GSN: variants seen among roughly 807,000 people sequenced by gnomAD.
The protein encoded by GSN is actin-depolymerizing factor.
Under a neutral mutation model 85.7 loss-of-function variants are expected in GSN, and 56 were observed. The observed-to-expected ratio is 0.65, with a 90% confidence interval of 0.53 to 0.82. The LOEUF (loss-of-function observed/expected upper bound fraction) is 0.82, where lower values mean the gene tolerates loss of function less well. GSN is among the 40% of genes least tolerant of loss of function. The pLI is 0.00. For synonymous variants in GSN, 373 were observed against 399.1 expected, an observed-to-expected ratio of 0.93 and a Z score of 0.78; for missense variants, 857 against 979.8, an observed-to-expected ratio of 0.87 and a Z score of 1.67.
chr9:121,204,475 T>C (rs147725442), upstream of GSN, among the ~76,000 whole-genome samples: 508 of 152,334 alleles, frequency 3.3e-3, 15 homozygotes, highest in Admixed American at 0.028. Flanking sequence ...GCCTATCACA[T>C]GCTAAGGAAT....
intron 1 of GSN, among the ~76,000 whole-genome samples, chr9:121,276,347 G>A (rs1195233676): frequency 6.6e-6 from 1 of 152,226 alleles, no homozygotes; most frequent in African/African-American, 2.4e-5. Context: ...TTCCTCATCT[G>A]TAAAATGGGC....
rs1447597500 is a variant in GSN at position 121,299,039 on chromosome 9, C to T, written c.-9-2924C>T. On this transcript the variant is annotated intron_variant, in intron 2 of 17. Coordinates refer to ENST00000432226, the MANE Select transcript of GSN (RefSeq NM_198252.3). The surrounding 1 kb of genome is among the most constrained non-coding windows in gnomAD (Gnocchi z 4.2). ...GCTTGCTTAGAGACATGACGGTAAACCCTGAACCATCAGCTAAAAGAGGTA... is the reference window on the plus strand; with the variant it reads ...GCTTGCTTAGAGACATGACGGTAAATCCTGAACCATCAGCTAAAAGAGGTA... Among the ~76,000 whole-genome samples the T allele has an allele frequency of 2.0e-5, 3 of 152,200 alleles. No homozygotes were observed. The highest frequency in any genetic ancestry group is 4.4e-5 in the Non-Finnish European group (3 of 68,038).
At chr9:121,258,751 G>A (rs1261148141) in intron 6 of GSN, among the ~76,000 whole-genome samples, 1 of 151,886 alleles carries the variant, frequency 6.6e-6, no homozygotes, top group Admixed American at 6.6e-5. Context: ...AGCAGCATAA[G>A]TGAGCAGAAT....
intron 1 of GSN, among the ~76,000 whole-genome samples, chr9:121,270,201 G>A (rs952829429): frequency 2.0e-5 from 3 of 152,192 alleles, no homozygotes; most frequent in Admixed American, 1.3e-4. Context: ...GATGGGAGAA[G>A]GGCGGGGTGG....
chr9:121,262,364 T>G (rs771221247), intron 6 of GSN, among the ~76,000 whole-genome samples: 1 of 152,236 alleles, frequency 6.6e-6, no homozygotes, highest in Non-Finnish European at 1.5e-5. Context: ...TTATTTTATT[T>G]GTAAAATTGG....
intron 14 of GSN, among the ~76,000 whole-genome samples, chr9:121,328,169 T>C (rs2063457609): frequency 6.6e-6 from 1 of 152,202 alleles, no homozygotes; most frequent in East Asian, 1.9e-4. Flanking sequence ...GTTTCCAGAA[T>C]GTGGGCCGGG....
At chr9:121,312,056 T>G in intron 5 of GSN, 1 of 368,248 alleles carries the variant, frequency 2.7e-6, no homozygotes, top group Non-Finnish European at 5.0e-6. Flanking sequence ...GTTGTGCCAA[T>G]TTATATTCCC....
intron 2 of GSN, among the ~76,000 whole-genome samples, chr9:121,292,943 A>G (rs894902533): frequency 5.3e-5 from 8 of 152,282 alleles, no homozygotes; most frequent in Non-Finnish European, 1.0e-4. Context: ...GCCTTCAAGA[A>G]AGGCACTTTG....
intron 2 of GSN, chr9:121,282,657 C>G: frequency 2.0e-6 from 1 of 496,436 alleles, no homozygotes; most frequent in South Asian, 1.1e-4. Flanking sequence ...AGCGGCTATC[C>G]AAAGGTTCTG....
At chr9:121,223,816 C>T (rs992337536) in intron 4 of GSN, among the ~76,000 whole-genome samples, 7 of 151,852 alleles carry the variant, frequency 4.6e-5, no homozygotes, top group Non-Finnish European at 7.4e-5. Context: ...TGTGCCACCA[C>T]GCCGGCTAAA....
At position 121,315,142 on chromosome 9, in the gene GSN, T is replaced by C. The variant is rs144207455; in HGVS notation, c.753+1119T>C. On this transcript the variant is annotated intron_variant, in intron 7 of 17. Coordinates refer to ENST00000432226, the MANE Select transcript of GSN (RefSeq NM_198252.3). ...TCCCAAAGTGCTGGGATTACAGACC[T>C]GAGCCAACGCTCCCGGCCATTTCTA... is the stretch of plus-strand genomic sequence containing the variant. Among the ~76,000 whole-genome samples, 933 of 152,290 alleles carry C rather than the reference T, an allele frequency of 6.1e-3. 14 individuals carry two copies. Among genetic ancestry groups the C allele is most frequent in the African/African-American group, 0.021 (865 of 41,540 alleles).
intron 5 of GSN, among the ~76,000 whole-genome samples, chr9:121,244,880 T>TAAA (rs2054668840): frequency 1.3e-5 from 2 of 151,898 alleles, no homozygotes; most frequent in African/African-American, 4.8e-5. Context: ...TTTAATAAAA[T>TAAA]ATTCCCATAG....
chr9:121,292,814 C>T (rs1227188722), intron 2 of GSN, among the ~76,000 whole-genome samples: 1 of 152,146 alleles, frequency 6.6e-6, no homozygotes, highest in African/African-American at 2.4e-5. Context: ...TTGTCTTTTC[C>T]CTCTTCCCCG....
At chr9:121,235,616 G>A (rs538605213) in intron 5 of GSN, among the ~76,000 whole-genome samples, 7 of 152,282 alleles carry the variant, frequency 4.6e-5, no homozygotes, top group South Asian at 2.1e-4. Context: ...GTTCTTTGTC[G>A]CTCATTCTTC....
chr9:121,258,106 G>A (rs1030453471), intron 6 of GSN, among the ~76,000 whole-genome samples: 7 of 152,280 alleles, frequency 4.6e-5, no homozygotes, highest in Non-Finnish European at 7.4e-5. Flanking sequence ...GGCAGTCCTC[G>A]GTTTACAGTG....
intron 4 of GSN, among the ~76,000 whole-genome samples, chr9:121,229,110 G>C (rs566148187): frequency 1.3e-5 from 2 of 151,994 alleles, no homozygotes; most frequent in Non-Finnish European, 2.9e-5. Context: ...TTTAATTTTC[G>C]TCCAGTAGTA....
intron 5 of GSN, among the ~76,000 whole-genome samples, chr9:121,246,297 T>C (rs1313126893): frequency 1.3e-5 from 2 of 152,138 alleles, no homozygotes; most frequent in Non-Finnish European, 2.9e-5. Context: ...TGAAGATAGT[T>C]GTCTGAGGAT....
At chr9:121,311,379 C>T (rs188582947) in intron 5 of GSN, 18 of 174,402 alleles carry the variant, frequency 1.0e-4, no homozygotes, top group Admixed American at 7.1e-4. Flanking sequence ...CAAATGGACA[C>T]GGCCCTTCTA....
Position 121,322,923 on chromosome 9 carries a change from C to T in GSN, c.1325+1522C>T, listed in dbSNP as rs57798514. ...TCTGCTCACCACAACCTCTGCCCCC[C>T]GGGGCTCAAGCAATTATCGTGCCTC... is the stretch of plus-strand genomic sequence containing the variant. On this transcript the variant is annotated intron_variant, in intron 11 of 17. Transcript: ENST00000432226. Among the ~76,000 whole-genome samples the T allele has an allele frequency of 3.9e-3, 598 of 151,952 alleles. 2 individuals are homozygous for T. The highest frequency in any genetic ancestry group is 0.012 in the African/African-American group (497 of 41,412).
Sources: gnomAD v4.1 joint callset for allele counts (sites outside exome capture counted in the v4.1 genomes callset) on GRCh38, gnomAD v4.1.1 for gene constraint, Gnocchi (gnomAD v3.1) non-coding constraint, MANE v1.5 for transcripts, NCBI Gene and HGNC (gene_info 2026-07-23, HGNC 2026-07-21) for gene names.